Variants in NFASC observed in about 807,000 individuals in gnomAD.
NFASC encodes the protein neurofascin.
NFASC carries 43 observed loss-of-function variants against 147.5 expected under a neutral mutation model. The observed-to-expected ratio is 0.29, with a 90% confidence interval of 0.23 to 0.38. NFASC has a LOEUF of 0.38. Among genes scored for constraint, NFASC ranks in the 10% least tolerant of loss-of-function variants. The pLI is 1.00. For synonymous variants in NFASC, 622 were observed against 665.5 expected (o/e 0.93, Z 1.01); for missense variants, 1,320 against 1,689.0 (o/e 0.78, Z 3.83).
chr1:204,844,634 G>A (rs541303615), intron 1 of NFASC, among the ~76,000 whole-genome samples: 73 of 152,208 alleles, frequency 4.8e-4, no homozygotes, highest in Middle Eastern at 3.4e-3. Context: ...TAATCCCAGC[G>A]CTTTGGGAGG....
intron 20 of NFASC, among the ~76,000 whole-genome samples, chr1:204,981,537 G>A (rs368939437): frequency 5.4e-4 from 83 of 152,378 alleles, no homozygotes; most frequent in Non-Finnish European, 1.1e-3. Context: ...CTACAAATGC[G>A]GGTGGCTCTC....
At chr1:204,882,201 TTC>T (rs1191766855) in intron 1 of NFASC, among the ~76,000 whole-genome samples, 2 of 152,166 alleles carry the variant, frequency 1.3e-5, no homozygotes, top group Non-Finnish European at 2.9e-5. Flanking sequence ...GATAATTTTT[TTC>T]TTTAACATTT....
At chr1:204,976,849 C>T in intron 16 of NFASC, 54 bp downstream of exon 16, 1 of 1,583,178 alleles carries the variant, frequency 6.3e-7, no homozygotes, top group Non-Finnish European at 8.6e-7. Context: ...TCCCCAGCAG[C>T]CAGAGAAGCA....
intron 1 of NFASC, among the ~76,000 whole-genome samples, chr1:204,889,595 G>A (rs1163615592): frequency 6.6e-6 from 1 of 152,182 alleles, no homozygotes; most frequent in Non-Finnish European, 1.5e-5. Context: ...ACACACTGGT[G>A]AATATCTTCT....
intron 1 of NFASC, among the ~76,000 whole-genome samples, chr1:204,880,261 G>A (rs1278230803): frequency 6.6e-6 from 1 of 152,204 alleles, no homozygotes; most frequent in Non-Finnish European, 1.5e-5. Flanking sequence ...GTGAGGCCCA[G>A]TATGGCTGAA....
At chr1:204,841,945 C>G (rs1286835463) in intron 1 of NFASC, among the ~76,000 whole-genome samples, 2 of 152,136 alleles carry the variant, frequency 1.3e-5, no homozygotes, top group Non-Finnish European at 1.5e-5. Context: ...TAGCTAAGCT[C>G]TTCAGTAAAA....
At chr1:204,958,082 C>T (rs2094506350) in intron 8 of NFASC, among the ~76,000 whole-genome samples, 2 of 152,154 alleles carry the variant, frequency 1.3e-5, no homozygotes, top group South Asian at 2.1e-4. Flanking sequence ...CACCTTAGAA[C>T]CTGGCAGCGT....
intron 27 of NFASC, among the ~76,000 whole-genome samples, chr1:205,008,191 C>A (rs1264889818): frequency 3.9e-5 from 6 of 152,168 alleles, no homozygotes; most frequent in Non-Finnish European, 7.4e-5. Flanking sequence ...TGGGAACTTT[C>A]TTGGTGCAAT....
In NFASC at chr1:204,976,446, A is replaced by T. The variant is rs1480238348; in HGVS notation, c.1707-225A>T. ...AAGGTGGCAAACGTGCTTCACAGCCACTTGAGCTCCGCCCACTCTCTGTTC... is the reference window on the plus strand; with the variant it reads ...AAGGTGGCAAACGTGCTTCACAGCCTCTTGAGCTCCGCCCACTCTCTGTTC... On this transcript the variant is annotated intron_variant, in intron 15 of 29. Transcript: ENST00000339876. Among the ~76,000 whole-genome samples the T allele has an allele frequency of 1.3e-5, 2 of 152,190 alleles. 1 individual carries two copies. Among genetic ancestry groups the T allele is most frequent in the South Asian group, 4.1e-4 (2 of 4,830 alleles).
Position 204,918,584 on chromosome 1 carries a change from C to CTTT in NFASC, c.-199-2031_-199-2029dup, listed in dbSNP as rs71147720. Among the ~76,000 whole-genome samples the CTTT allele has an allele frequency of 9.1e-3, 1,131 of 124,774 alleles. 29 individuals are homozygous for CTTT. Among genetic ancestry groups the CTTT allele is most frequent in the African/African-American group, 0.029 (939 of 32,410 alleles). 81.9% of individuals were successfully genotyped at this position (124,774 alleles called of 152,430 possible). A position where few individuals can be genotyped will look rare whatever the true frequency, so the allele number is the denominator to read the frequency against. ...TTCATTTTTACATAATTCTTTGAAA[C>CTTT]TTTTTTTTTTTTTTTTTTTGAGATA... On this transcript the variant is annotated intron_variant, in intron 1 of 29. Transcript: ENST00000339876.
Position 204,979,050 on chromosome 1 carries a change from TA to T in NFASC, c.1961del (p.Asn654ThrfsTer81). 1 of 1,562,142 alleles carries T rather than the reference TA, an allele frequency of 6.4e-7. No homozygotes were observed. Among genetic ancestry groups the T allele is most frequent in the Admixed American group, 1.9e-5 (1 of 53,668 alleles). On this transcript the variant is annotated frameshift_variant, in exon 18 of 30. Transcript: ENST00000339876. LOFTEE classifies it high-confidence loss of function. The surrounding 1 kb of genome is among the most constrained non-coding windows in gnomAD (Gnocchi z 6.0). The stretch of plus-strand genomic sequence containing the variant: ...GGCTGACCTGGATCCCCGGGGATGC[TA>T]ACAACAGCCCCATCACAGGTAGCTC... Reference protein sequence around the residue: ...VRLTWIPGDANNSPITDYVVQ... With the variant: ...VRLTWIPGDAXNSPITDYVVQ...
rs1321648457 is a variant in NFASC, at chr1:205,017,741, T to A, written c.*1202T>A. Reference sequence around the variant, plus strand: ...GCTCTTGTTTGACATGGTGTGTGGATGGGGACTTGCCCCAAGACTGAGCAG... The same window carrying A: ...GCTCTTGTTTGACATGGTGTGTGGAAGGGGACTTGCCCCAAGACTGAGCAG... On this transcript the variant is annotated 3_prime_UTR_variant, in exon 30 of 30. Transcript: ENST00000339876. 1 of 152,802 alleles carries A rather than the reference T, an allele frequency of 6.5e-6. No individual in the cohort carries two copies. Among genetic ancestry groups the A allele is most frequent in the African/African-American group, 2.4e-5 (1 of 41,474 alleles). The allele number at this position is 152,802 out of a possible 1,614,324, so 9.5% of individuals were successfully genotyped here.
rs1027875224 is a variant in NFASC, at chr1:204,987,835, A to G, written c.2593+295A>G. Among the ~76,000 whole-genome samples, 3 of 152,254 alleles carry G rather than the reference A, an allele frequency of 2.0e-5. No homozygotes were observed. Among genetic ancestry groups the G allele is most frequent in the Admixed American group, 6.5e-5 (1 of 15,288 alleles). ...CTTTAGGGATCTTTTGTAGTCTCCAACACGTACAGAGTCTAGGAGAGAGAG... is the reference window on the plus strand; with the variant it reads ...CTTTAGGGATCTTTTGTAGTCTCCAGCACGTACAGAGTCTAGGAGAGAGAG... On this transcript the variant is annotated intron_variant, in intron 22 of 29. Transcript: ENST00000339876. The surrounding 1 kb of genome is among the most constrained non-coding windows in gnomAD (Gnocchi z 4.4).
At chr1:204,840,309 C>A (rs1674947218) in intron 1 of NFASC, among the ~76,000 whole-genome samples, 1 of 152,196 alleles carries the variant, frequency 6.6e-6, no homozygotes, top group African/African-American at 2.4e-5. Flanking sequence ...GAGACCCAAC[C>A]TGTACCAAAT....
chr1:205,006,745 A>G (rs1043170777), intron 27 of NFASC, among the ~76,000 whole-genome samples: 8 of 152,198 alleles, frequency 5.3e-5, no homozygotes, highest in African/African-American at 1.9e-4. Context: ...TTTTGGAAGA[A>G]GTGGCAGCTC....
intron 1 of NFASC, among the ~76,000 whole-genome samples, chr1:204,903,369 C>T (rs1260104805): frequency 2.0e-5 from 3 of 152,170 alleles, no homozygotes; most frequent in South Asian, 2.1e-4. Flanking sequence ...CGATGACCTC[C>T]CTGCCTTGCA....
chr1:204,984,234 A>G, intron 21 of NFASC: 1 of 809,534 alleles, frequency 1.2e-6, no homozygotes, highest in Non-Finnish European at 2.1e-6. Context: ...TTTGAAAGAA[A>G]CCCTAGCGTT....
At chr1:204,930,837 G>C (rs1014861191) in intron 2 of NFASC, among the ~76,000 whole-genome samples, 1 of 152,222 alleles carries the variant, frequency 6.6e-6, no homozygotes, top group Non-Finnish European at 1.5e-5. Flanking sequence ...AAAGCACGTG[G>C]CCTATACAGG....
At chr1:204,934,150 A>AAG (rs1178474576) in intron 2 of NFASC, among the ~76,000 whole-genome samples, 1 of 151,554 alleles carries the variant, frequency 6.6e-6, no homozygotes, top group African/African-American at 2.4e-5. Context: ...AAAAAAAAAA[A>AAG]AAAACAGATG....
Sources: gnomAD v4.1 joint callset for allele counts (sites outside exome capture counted in the v4.1 genomes callset) on GRCh38, gnomAD v4.1.1 for gene constraint, Gnocchi (gnomAD v3.1) non-coding constraint, MANE v1.5 for transcripts, NCBI Gene and HGNC (gene_info 2026-07-23, HGNC 2026-07-21) for gene names.